Variants in IFT140 observed in about 807,000 individuals in gnomAD.
IFT140 encodes intraflagellar transport protein 140 homolog.
Under a neutral mutation model 164.6 loss-of-function variants are expected in IFT140, and 133 were observed. That is an observed-to-expected ratio of 0.81 (90% CI 0.70 to 0.93). The LOEUF is 0.93. Ranked by LOEUF, IFT140 falls within the 40% of genes least tolerant of loss-of-function variation. The pLI, the probability that IFT140 is intolerant of heterozygous loss-of-function variation, is 0.00. For missense variants in IFT140, 2,045 were observed against 1,972.3 expected, an observed-to-expected ratio of 1.04 and a Z score of -0.70; for synonymous variants, 860 against 817.3, an observed-to-expected ratio of 1.05 and a Z score of -0.89.
intron 2 of IFT140, among the ~76,000 whole-genome samples, chr16:1,608,745 G>C (rs2036201058): frequency 6.6e-6 from 1 of 151,526 alleles, no homozygotes; most frequent in African/African-American, 2.4e-5. Context: ...ATATTGTTTA[G>C]AGACAGGGCC....
chr16:1,585,902 C>G (rs2034847727), intron 10 of IFT140, among the ~76,000 whole-genome samples: 1 of 151,678 alleles, frequency 6.6e-6, no homozygotes, highest in South Asian at 2.1e-4. Flanking sequence ...TCCTGAGTAG[C>G]TGAGGCTACA....
rs774192784 is a variant in IFT140 at position 1,525,973 on chromosome 16, G to T, written c.2682C>A (p.His894Gln). The T allele has an allele frequency of 6.3e-7, 1 of 1,591,246 alleles. No individual in the cohort carries two copies. The highest frequency in any genetic ancestry group is 8.5e-7 in the Non-Finnish European group (1 of 1,169,940). ...TGCTGCGCAGGTGCACGCGATCGTGGTGCTCGGCTACCTGGAGGGCCTCCT... is the reference window on the plus strand; with the variant it reads ...TGCTGCGCAGGTGCACGCGATCGTGTTGCTCGGCTACCTGGAGGGCCTCCT... ...RWQEALQVAE[H>Q]HDRVHLRSTY... Residue 894 changes from histidine to glutamine, a missense_variant, in exon 21 of 31, where the codon CAC becomes CAA. Coordinates refer to ENST00000426508, the MANE Select transcript of IFT140 (RefSeq NM_014714.4).
intron 6 of IFT140, among the ~76,000 whole-genome samples, chr16:1,590,867 G>C (rs1240102255): frequency 6.6e-6 from 1 of 152,140 alleles, no homozygotes; most frequent in African/African-American, 2.4e-5. Flanking sequence ...CTGGGTTCAA[G>C]TGATCCTCCC....
At chr16:1,518,558 A>G (rs2040430917) in intron 29 of IFT140, among the ~76,000 whole-genome samples, 1 of 152,034 alleles carries the variant, frequency 6.6e-6, no homozygotes, top group Non-Finnish European at 1.5e-5. Context: ...GATCACTTGA[A>G]TGCTGGGTCC....
intron 19 of IFT140, chr16:1,542,063 A>T: frequency 6.2e-7 from 1 of 1,607,880 alleles, no homozygotes; most frequent in Non-Finnish European, 8.5e-7. Flanking sequence ...TGGCCGCTGC[A>T]TTCCAACTGG....
chr16:1,539,727 G>A (rs556052062), intron 19 of IFT140, among the ~76,000 whole-genome samples: 2 of 152,382 alleles, frequency 1.3e-5, no homozygotes, highest in African/African-American at 4.8e-5. Flanking sequence ...GCGAGGGGCA[G>A]CTGCTGCCGC....
rs990638612 is a variant in IFT140, at chr16:1,593,912, C to A, written c.370-1324G>T. ...CTGTACTTGAGGAGTGGGAGATACA[C>A]CCTACCCTCAGGGGTGGAGCATCCA... On this transcript the variant is annotated intron_variant, in intron 4 of 30. Transcript: ENST00000426508. 2.6e-5 allele frequency among the ~76,000 whole-genome samples: 4 copies of A among 152,180 alleles called. No homozygotes were observed. In the South Asian group the frequency reaches 8.3e-4, roughly 32 times the overall value.
intron 8 of IFT140, 53 bp from the exon 9 acceptor site, chr16:1,587,357 C>T: frequency 8.7e-7 from 1 of 1,148,260 alleles, no homozygotes; most frequent in Non-Finnish European, 1.3e-6. Context: ...TGGCGTTTCC[C>T]TCTGAGGGGT....
In IFT140 at chr16:1,583,385, T is replaced by C. The variant is rs376263938; in HGVS notation, c.1361A>G (p.Asp454Gly). ...CCTTCCGTTCCAGACTGCGACAGCA[T>C]CCTGAAAAGAACCACGGACATTCGA... is the stretch of plus-strand genomic sequence containing the variant. ...MHISGVFATK[D>G]AVAVWNGRQV... The change falls in exon 12 of 31, where the codon GAT (aspartate) becomes GGT (glycine). Residue 454 changes from aspartate to glycine, a missense_variant and splice_region_variant. Transcript: ENST00000426508. 3 of 1,613,858 alleles carry C rather than the reference T, an allele frequency of 1.9e-6. No homozygotes were observed. Among genetic ancestry groups the C allele is most frequent in the African/African-American group, 2.7e-5 (2 of 74,884 alleles).
In IFT140 at chr16:1,580,774, T is replaced by G. The variant is rs139385840; in HGVS notation, c.1509A>C (p.Gln503His). ...AGCAACTTACCTGCCAGGTTCGAAC[T>G]TGAACTCGGTTTGACTCCACCGTGT... The part of the protein sequence containing the change: ...NVYTVESNRV[Q>H]VRTWQGTVKQ... The change falls in exon 13 of 31, where the codon CAA becomes CAC. Residue 503 changes from glutamine (Q) to histidine (H), a missense_variant. Transcript: ENST00000426508. 6.2e-7 allele frequency: 1 copy of G among 1,613,646 alleles called. No homozygotes were observed. The highest frequency in any genetic ancestry group is 2.2e-5 in the East Asian group (1 of 44,876).
intron 15 of IFT140, 62 bp from the exon 16 acceptor site, chr16:1,566,353 G>A (rs2033717256): frequency 6.4e-7 from 1 of 1,565,648 alleles, no homozygotes; most frequent in South Asian, 1.1e-5. Context: ...TTGGTGGGCT[G>A]TGCTAGGGGA....
chr16:1,540,938 TGCAGCGTGCA>T (rs1181467347), intron 19 of IFT140: 1 of 985,320 alleles, frequency 1.0e-6, no homozygotes, highest in Non-Finnish European at 1.2e-6. Flanking sequence ...TTGTCTGCTC[TGCAGCGTGCA>T]GGGGCCTGGG....
At position 1,523,366 on chromosome 16, in the gene IFT140, C is replaced by A. The variant is rs1596301943; in HGVS notation, c.3453+152G>T. On this transcript the variant is annotated intron_variant, in intron 26 of 30. Transcript: ENST00000426508. ...TACACTTGCGGACCTCCTGGGTGTGCCGTATGTGAAACCTAGGGCAGGGGG... is the reference window on the plus strand; with the variant it reads ...TACACTTGCGGACCTCCTGGGTGTGACGTATGTGAAACCTAGGGCAGGGGG... 3 of 722,106 alleles carry A rather than the reference C, an allele frequency of 4.2e-6. No individual in the cohort carries two copies. The East Asian group carries it at 8.1e-5, about 20-fold the overall frequency. The allele number at this position is 722,106 out of a possible 1,614,324, so 44.7% of individuals were successfully genotyped here. A position where few individuals can be genotyped will look rare whatever the true frequency, so the allele number is the denominator to read the frequency against.
chr16:1,588,110 A>G, intron 7 of IFT140, 86 bp from the exon 8 acceptor site: 1 of 1,064,624 alleles, frequency 9.4e-7, no homozygotes, highest in Non-Finnish European at 1.4e-6. Flanking sequence ...TCTGGTCCTC[A>G]GTGACTTCAT....
At position 1,553,113 on chromosome 16, in the gene IFT140, A is replaced by T; in HGVS notation, c.2399+4822T>A. 1 of 985,458 alleles carries T rather than the reference A, an allele frequency of 1.0e-6. No homozygotes were observed. Among genetic ancestry groups the T allele is most frequent in the Non-Finnish European group, 1.2e-6 (1 of 829,932 alleles). 61.0% of individuals were successfully genotyped at this position (985,458 alleles called of 1,614,324 possible). On this transcript the variant is annotated intron_variant, in intron 19 of 30. Coordinates refer to ENST00000426508, the MANE Select transcript of IFT140 (RefSeq NM_014714.4). The surrounding 1 kb of genome is among the most constrained non-coding windows in gnomAD (Gnocchi z 4.4). ...TTAATTCATACTTTCTGGAGGGTACAGTGATGATGAAAAGATAATGCTTGG... is the reference window on the plus strand; with the variant it reads ...TTAATTCATACTTTCTGGAGGGTACTGTGATGATGAAAAGATAATGCTTGG...
In IFT140 at chr16:1,587,271, T is replaced by G; in HGVS notation, c.936A>C (p.Ile312=). ...FWDIERGENY[I]LSPDEKFGFE... is the part of the protein sequence containing the mutation. ...AGCCAAACTTCTCATCTGGACTCAG[T>G]ATATAATTCTCTCCTCGTTCTATGT... The change falls in exon 9 of 31, where the codon ATA becomes ATC. Residue 312 remains isoleucine, a synonymous_variant. Transcript: ENST00000426508. The G allele has an allele frequency of 6.2e-7, 1 of 1,612,296 alleles. No individual in the cohort carries two copies. The highest frequency in any genetic ancestry group is 8.5e-7 in the Non-Finnish European group (1 of 1,178,406).
rs149487053 is a variant in IFT140 at position 1,570,306 on chromosome 16, C to T, written c.1652+1101G>A. 4.4e-3 allele frequency among the ~76,000 whole-genome samples: 666 copies of T among 152,298 alleles called. 3 individuals carry two copies. The highest frequency in any genetic ancestry group is 6.7e-3 in the Non-Finnish European group (457 of 68,032). On this transcript the variant is annotated intron_variant, in intron 14 of 30. Coordinates refer to ENST00000426508, the MANE Select transcript of IFT140 (RefSeq NM_014714.4). ...GTGTGTACCAACGGGTACATTGATA[C>T]AGACCTACGATTCTGTGTATGGAGT... is the stretch of plus-strand genomic sequence containing the variant.
rs765411860 is a variant in IFT140 at position 1,602,551 on chromosome 16, C to G, written c.188G>C (p.Arg63Pro). The G allele has an allele frequency of 5.6e-6, 9 of 1,613,700 alleles. No homozygotes were observed. The highest frequency in any genetic ancestry group is 2.2e-5 in the East Asian group (1 of 44,896). The change falls in exon 4 of 31, where the codon CGG (arginine) becomes CCG (proline). Residue 63 changes from arginine to proline, a missense_variant. By Grantham distance (103) the Arg-to-Pro change is moderately radical (BLOSUM62 -2). Coordinates refer to ENST00000426508, the MANE Select transcript of IFT140 (RefSeq NM_014714.4). ...VPDTHVERPF[R>P]VASLCWHPTR... ...CGGGTGCCAGCACAGGGAAGCAACC[C>G]GGAACGGCCTCTCGACGTGTGTATC... is the stretch of plus-strand genomic sequence containing the variant.
rs1278151862 is a variant in IFT140, at chr16:1,612,010, G to A, written c.-264C>T. Reference sequence around the variant, plus strand: ...CACACTTCTCAGAACTCAGGTTCGCGCCCGATTCCACACTCCGAGCTACCA... The same window carrying A: ...CACACTTCTCAGAACTCAGGTTCGCACCCGATTCCACACTCCGAGCTACCA... On this transcript the variant is annotated 5_prime_UTR_variant, in exon 1 of 31. Coordinates refer to ENST00000426508, the MANE Select transcript of IFT140 (RefSeq NM_014714.4). The A allele has an allele frequency of 6.6e-6, 1 of 152,152 alleles. No homozygotes were observed. Among genetic ancestry groups the A allele is most frequent in the African/African-American group, 2.4e-5 (1 of 41,418 alleles). The allele number at this position is 152,152 out of a possible 1,614,324, so 9.4% of individuals were successfully genotyped here. A position where few individuals can be genotyped will look rare whatever the true frequency, so the allele number is the denominator to read the frequency against.
Sources: allele counts gnomAD v4.1 joint callset (sites outside exome capture counted in the v4.1 genomes callset), GRCh38; gene constraint gnomAD v4.1.1; non-coding constraint Gnocchi (gnomAD v3.1); transcripts MANE v1.5; gene names NCBI Gene and HGNC (gene_info 2026-07-23, HGNC 2026-07-21).